PPP2R2B: variants seen among roughly 807,000 people sequenced by gnomAD.
PPP2R2B encodes the protein protein phosphatase 2 regulatory subunit Bbeta, also known as serine/threonine-protein phosphatase 2A 55 kDa regulatory subunit B beta isoform.
A neutral mutation model predicts 46.0 loss-of-function variants in PPP2R2B; 5 were observed. That is an observed-to-expected ratio of 0.11 (90% CI 0.06 to 0.23). The LOEUF is 0.23. PPP2R2B is among the 10% of genes least tolerant of loss of function. PPP2R2B has a pLI of 1.00. For missense variants in PPP2R2B, 367 were observed against 575.0 expected (o/e 0.64, Z 3.70); for synonymous variants, 215 against 206.7 (o/e 1.04, Z -0.34).
At chr5:147,000,998 G>A (rs530588778) in intron 1 of PPP2R2B, among the ~76,000 whole-genome samples, 1 of 152,288 alleles carries the variant, frequency 6.6e-6, no homozygotes, top group Non-Finnish European at 1.5e-5. Flanking sequence ...GAGTTAGTGA[G>A]AGATGAAGCT....
At chr5:146,872,405 G>T (rs1262372447) in intron 2 of PPP2R2B, among the ~76,000 whole-genome samples, 4 of 152,162 alleles carry the variant, frequency 2.6e-5, no homozygotes, top group East Asian at 1.9e-4. Flanking sequence ...ATTCTGATCT[G>T]GCATTTGCAT....
chr5:147,014,773 T>A (rs1754918086), intron 1 of PPP2R2B, among the ~76,000 whole-genome samples: 1 of 151,596 alleles, frequency 6.6e-6, no homozygotes, highest in Non-Finnish European at 1.5e-5. Flanking sequence ...TTGGGAGATA[T>A]ACCTAATGCT....
intron 6 of PPP2R2B, among the ~76,000 whole-genome samples, chr5:146,641,272 G>A (rs922569649): frequency 6.6e-6 from 1 of 152,138 alleles, no homozygotes; most frequent in East Asian, 1.9e-4. Flanking sequence ...TTGAACCCAA[G>A]CTTGTCTGAC....
chr5:147,062,981 AGG>A (rs1561607742), intron 2 of PPP2R2B, among the ~76,000 whole-genome samples: 1,944 of 64,024 alleles, frequency 0.03, 96 homozygotes, highest in Admixed American at 0.053. Flanking sequence ...GGAGGGAGGG[AGG>A]GAGGGAGGGA....
At chr5:146,909,159 C>T (rs925797704) in intron 1 of PPP2R2B, among the ~76,000 whole-genome samples, 9 of 152,128 alleles carry the variant, frequency 5.9e-5, no homozygotes, top group South Asian at 2.1e-4. Context: ...CCAGCTATTA[C>T]CACAACATAA....
At chr5:146,851,357 G>A (rs905548923) in intron 2 of PPP2R2B, among the ~76,000 whole-genome samples, 1 of 152,158 alleles carries the variant, frequency 6.6e-6, no homozygotes, top group Non-Finnish European at 1.5e-5. Flanking sequence ...AGGCAAGAGA[G>A]ACAGGTGCTC....
intron 1 of PPP2R2B, among the ~76,000 whole-genome samples, chr5:147,029,988 T>G (rs1755706393): frequency 6.6e-6 from 1 of 152,214 alleles, no homozygotes; most frequent in African/African-American, 2.4e-5. Flanking sequence ...TTTTTGTGCT[T>G]TACATTTCTA....
intron 2 of PPP2R2B, among the ~76,000 whole-genome samples, chr5:146,796,650 G>T (rs917496592): frequency 1.3e-5 from 2 of 152,134 alleles, no homozygotes; most frequent in African/African-American, 4.8e-5. Flanking sequence ...TTTGCTGAAT[G>T]AACAAATGTA....
intron 1 of PPP2R2B, among the ~76,000 whole-genome samples, chr5:146,938,641 G>GAATGAC (rs1241858732): frequency 6.6e-6 from 1 of 151,036 alleles, no homozygotes; most frequent in African/African-American, 2.4e-5. Context: ...TTAAAATCTT[G>GAATGAC]AATGACATAT....
chr5:146,686,342 T>C (rs1282585194), intron 5 of PPP2R2B, among the ~76,000 whole-genome samples: 15 of 152,034 alleles, frequency 9.9e-5, no homozygotes, highest in Admixed American at 9.8e-4. Context: ...GCAGAGAGAA[T>C]GAATGGGAAA....
chr5:146,644,349 C>T (rs968622125), intron 6 of PPP2R2B, among the ~76,000 whole-genome samples: 2 of 151,082 alleles, frequency 1.3e-5, no homozygotes, highest in Admixed American at 6.6e-5. Context: ...CCCCCTGAAC[C>T]CACATTGTTG....
chr5:146,586,027 A>AG lies in PPP2R2B; in HGVS notation c.*3919dup, dbSNP rs1770141948. Reference sequence around the variant, plus strand: ...TCCCTGAGAGTTGACTTAGAAGTTCAGGGGGAAGAGGTGGATGAAGGCATG... The same window carrying AG: ...TCCCTGAGAGTTGACTTAGAAGTTCAGGGGGGAAGAGGTGGATGAAGGCATG... On this transcript the variant is annotated 3_prime_UTR_variant, in exon 10 of 10. Transcript: ENST00000394411. 1 of 152,158 alleles carries AG rather than the reference A, an allele frequency of 6.6e-6. No individual in the cohort carries two copies. The highest frequency in any genetic ancestry group is 1.5e-5 in the Non-Finnish European group (1 of 68,064). 9.4% of individuals were successfully genotyped at this position (152,158 alleles called of 1,614,324 possible). A position where few individuals can be genotyped will look rare whatever the true frequency, so the allele number is the denominator to read the frequency against.
At chr5:146,895,958 C>T (rs1039779101) in intron 1 of PPP2R2B, among the ~76,000 whole-genome samples, 6 of 151,860 alleles carry the variant, frequency 4.0e-5, no homozygotes, top group South Asian at 2.1e-4. Context: ...TTATGAAAAT[C>T]GCAAAACAAA....
intron 4 of PPP2R2B, among the ~76,000 whole-genome samples, chr5:146,696,603 A>T (rs1779196795): frequency 1.3e-5 from 2 of 152,250 alleles, no homozygotes; most frequent in Admixed American, 1.3e-4. Flanking sequence ...AAAGGAAAGA[A>T]ATTGAAACAA....
chr5:147,003,380 G>A (rs1220069933), intron 1 of PPP2R2B, among the ~76,000 whole-genome samples: 3 of 152,142 alleles, frequency 2.0e-5, no homozygotes, highest in African/African-American at 4.8e-5. Context: ...ACCCAGGTAC[G>A]TGTCCCTTCT....
intron 5 of PPP2R2B, among the ~76,000 whole-genome samples, chr5:146,685,102 C>T (rs1025968110): frequency 3.9e-5 from 6 of 152,294 alleles, no homozygotes; most frequent in South Asian, 4.2e-4. Context: ...ATAGTAGACA[C>T]TGAGATACAA....
At chr5:146,671,356 C>T (rs897030620) in intron 5 of PPP2R2B, among the ~76,000 whole-genome samples, 5 of 152,176 alleles carry the variant, frequency 3.3e-5, no homozygotes, top group Admixed American at 6.5e-5. Flanking sequence ...CATACCTTCT[C>T]CCCATTAAGA....
intron 8 of PPP2R2B, among the ~76,000 whole-genome samples, chr5:146,599,973 G>T (rs322467): frequency 0.75 from 114,221 of 152,082 alleles, 43,461 homozygotes; most frequent in African/African-American, 0.87. Flanking sequence ...CTTGCAGAGA[G>T]GCACACTCAA....
chr5:147,030,799 C>T (rs1281628914), intron 1 of PPP2R2B, among the ~76,000 whole-genome samples: 1 of 151,918 alleles, frequency 6.6e-6, no homozygotes, highest in Admixed American at 6.6e-5. Context: ...TATTTTTGTC[C>T]CCTGTTTTAA....
Sources: gnomAD v4.1 joint callset for allele counts (sites outside exome capture counted in the v4.1 genomes callset) on GRCh38, gnomAD v4.1.1 for gene constraint, MANE v1.5 for transcripts, NCBI Gene and HGNC (gene_info 2026-07-23, HGNC 2026-07-21) for gene names.